Variants in TDG observed in about 807,000 individuals in gnomAD.
TDG encodes the protein thymine DNA glycosylase.
A neutral mutation model predicts 46.1 loss-of-function variants in TDG; 23 were observed. That is an observed-to-expected ratio of 0.50 (90% CI 0.36 to 0.71). The LOEUF (loss-of-function observed/expected upper bound fraction) is 0.71. Ranked by LOEUF, TDG falls within the 30% of genes least tolerant of loss-of-function variation. The pLI, the probability that TDG is intolerant of heterozygous loss-of-function variation, is 0.00. For missense variants in TDG, 304 were observed against 486.7 expected (o/e 0.62, Z 3.53); for synonymous variants, 115 against 161.3 (o/e 0.71, Z 2.18).
intron 9 of TDG, chr12:103,986,175 C>G (rs1250148072): frequency 6.6e-6 from 1 of 152,460 alleles, no homozygotes; most frequent in African/African-American, 2.4e-5. Flanking sequence ...CCCACCTTGG[C>G]CTCCAAAAGT....
At chr12:103,969,404 C>G (rs1278606612) in intron 1 of TDG, among the ~76,000 whole-genome samples, 1 of 152,222 alleles carries the variant, frequency 6.6e-6, no homozygotes, top group Non-Finnish European at 1.5e-5. Context: ...AAAAACCTGA[C>G]TTACTACTGA....
chr12:103,977,861 C>T (rs1871615585), intron 2 of TDG, among the ~76,000 whole-genome samples: 1 of 152,044 alleles, frequency 6.6e-6, no homozygotes, highest in African/African-American at 2.4e-5. Context: ...GTCAGGAGTT[C>T]ATGACCAGCC....
At chr12:103,966,807 A>G (rs1291640213) in intron 1 of TDG, among the ~76,000 whole-genome samples, 1 of 152,226 alleles carries the variant, frequency 6.6e-6, no homozygotes, top group South Asian at 2.1e-4. Flanking sequence ...AAAAAAACCT[A>G]TGCCTAATGA....
At chr12:103,985,004 TATATACATATACAC>T in intron 8 of TDG, 84 bp downstream of exon 8, 6 of 1,137,844 alleles carry the variant, frequency 5.3e-6, no homozygotes, top group Admixed American at 2.7e-5. Context: ...CACATATACA[TATATACATATACAC>T]ATATACATAT....
chr12:103,980,365 C>G (rs1871764340), intron 3 of TDG: 1 of 338,450 alleles, frequency 3.0e-6, no homozygotes, highest in African/African-American at 2.2e-5. Context: ...TAATACCACC[C>G]CCCGATAGGG....
chr12:103,980,978 T>C lies in TDG; in HGVS notation c.478+16T>C. 6.3e-7 allele frequency: 1 copy of C among 1,596,020 alleles called. No homozygotes were observed. Among genetic ancestry groups the C allele is most frequent in the Non-Finnish European group, 8.5e-7 (1 of 1,172,910 alleles). On this transcript the variant is annotated intron_variant, in intron 4 of 9. Coordinates refer to ENST00000392872, the MANE Select transcript of TDG (RefSeq NM_003211.6). ...AACCATTTTTGTAAGTGGTTACCTT[T>C]TAAATTAATTTACTTTTAAATTAGG...
chr12:103,986,044 C>T (rs1031339821), intron 9 of TDG, among the ~76,000 whole-genome samples: 3 of 152,082 alleles, frequency 2.0e-5, no homozygotes, highest in African/African-American at 4.8e-5. Context: ...CTCAGCCTCC[C>T]GAGTAGCTGG....
intron 2 of TDG, 49 bp downstream of exon 2, chr12:103,977,109 T>C (rs1871581548): frequency 3.2e-6 from 5 of 1,569,244 alleles, no homozygotes; most frequent in Non-Finnish European, 3.4e-6. Context: ...ATCAGCCAGC[T>C]TATTTGAGAA....
chr12:103,986,045 G>A (rs1454635037), intron 9 of TDG, among the ~76,000 whole-genome samples: 4 of 151,914 alleles, frequency 2.6e-5, no homozygotes, highest in Admixed American at 6.6e-5. Flanking sequence ...TCAGCCTCCC[G>A]AGTAGCTGGG....
At chr12:103,979,030 C>T (rs1287811390) in intron 2 of TDG, among the ~76,000 whole-genome samples, 1 of 151,976 alleles carries the variant, frequency 6.6e-6, no homozygotes, top group African/African-American at 2.4e-5. Flanking sequence ...AAATTCCCCT[C>T]TTCAACTATG....
chr12:103,974,117 G>T (rs1195924101), intron 1 of TDG, among the ~76,000 whole-genome samples: 1 of 152,102 alleles, frequency 6.6e-6, no homozygotes, highest in East Asian at 1.9e-4. Flanking sequence ...CCCAGCCGCT[G>T]GGGGTGGTCT....
intron 1 of TDG, among the ~76,000 whole-genome samples, chr12:103,972,141 C>A (rs939417824): frequency 4.6e-5 from 7 of 151,070 alleles, no homozygotes; most frequent in Admixed American, 1.3e-4. Context: ...TTTTTTTAGA[C>A]AGAGTCTTGC....
chr12:103,968,656 G>C (rs1190582761), intron 1 of TDG, among the ~76,000 whole-genome samples: 1 of 152,190 alleles, frequency 6.6e-6, no homozygotes, highest in Admixed American at 6.5e-5. Context: ...CTTGGCCTGC[G>C]TGTGTTGTGT....
intron 6 of TDG, 33 bp from the exon 7 acceptor site, chr12:103,983,262 G>A (rs1399374761): frequency 6.4e-7 from 1 of 1,568,774 alleles, no homozygotes; most frequent in Non-Finnish European, 8.6e-7. Context: ...CTAACATTAT[G>A]GGCAATGTAA....
rs1285959727 is a variant in TDG, at chr12:103,988,121, G to A, written c.*1031G>A. The A allele has an allele frequency of 6.5e-6, 1 of 152,728 alleles. No homozygotes were observed. The allele number at this position is 152,728 out of a possible 1,614,324, so 9.5% of individuals were successfully genotyped here. On this transcript the variant is annotated 3_prime_UTR_variant, in exon 10 of 10. Coordinates refer to ENST00000392872, the MANE Select transcript of TDG (RefSeq NM_003211.6). Reference sequence around the variant, plus strand: ...ATGAACCTCATGGAAAGGTTGAGGTGTATACCTTTGTGATTTTCTAATGAG... The same window carrying A: ...ATGAACCTCATGGAAAGGTTGAGGTATATACCTTTGTGATTTTCTAATGAG...
chr12:103,973,535 A>G (rs1871374405), intron 1 of TDG, among the ~76,000 whole-genome samples: 1 of 152,232 alleles, frequency 6.6e-6, no homozygotes, highest in Non-Finnish European at 1.5e-5. Context: ...GAATTGCCAT[A>G]GGACCACTGC....
intron 4 of TDG, among the ~76,000 whole-genome samples, chr12:103,982,324 TG>T (rs1232308075): frequency 2.0e-5 from 3 of 152,250 alleles, no homozygotes; most frequent in Non-Finnish European, 2.9e-5. Context: ...AGTCTAGTGC[TG>T]TATGTTTACG....
In TDG at chr12:103,987,033, T is replaced by C; in HGVS notation, c.1176T>C (p.Ile392=). The change falls in exon 10 of 10, where the codon ATT becomes ATC. Residue 392 remains isoleucine, a synonymous_variant. Coordinates refer to ENST00000392872, the MANE Select transcript of TDG (RefSeq NM_003211.6). ...TGACCCAGTCATTTACAGACCAAATTCCTTCCTTTAGTAATCACTGTGGAA... is the reference window on the plus strand; with the variant it reads ...TGACCCAGTCATTTACAGACCAAATCCCTTCCTTTAGTAATCACTGTGGAA... The part of the protein sequence containing the change: ...QWMTQSFTDQ[I]PSFSNHCGTQ... 1 of 1,614,280 alleles carries C rather than the reference T, an allele frequency of 6.2e-7. No individual in the cohort carries two copies. The highest frequency in any genetic ancestry group is 8.5e-7 in the Non-Finnish European group (1 of 1,180,046).
chr12:103,975,002 A>G (rs991700853), intron 1 of TDG, among the ~76,000 whole-genome samples: 1 of 151,416 alleles, frequency 6.6e-6, no homozygotes, highest in African/African-American at 2.4e-5. Context: ...AAGAAAAAGA[A>G]AAAGAAAACA....
Sources: gnomAD v4.1 joint callset for allele counts (sites outside exome capture counted in the v4.1 genomes callset) on GRCh38, gnomAD v4.1.1 for gene constraint, MANE v1.5 for transcripts, NCBI Gene and HGNC (gene_info 2026-07-23, HGNC 2026-07-21) for gene names.